Variants in PLAC1 observed in about 807,000 individuals in gnomAD.
PLAC1 encodes the protein placenta-specific protein 1.
For synonymous variants in PLAC1, 68 were observed against 62.1 expected (o/e 1.09, Z -0.44); for missense variants, 136 against 163.2 (o/e 0.83, Z 0.91).
chrX:134,730,734 C>A (rs948867566), intron 2 of PLAC1, among the ~76,000 whole-genome samples: 1 of 111,715 alleles, frequency 9.0e-6, no homozygotes. Flanking sequence ...TAAGCATAAG[C>A]CACGGTGCCT....
At chrX:134,647,555 A>G (rs1422959688) in intron 1 of PLAC1, among the ~76,000 whole-genome samples, 1 of 108,508 alleles carries the variant, frequency 9.2e-6, no homozygotes, top group Admixed American at 1.0e-4. Context: ...GGATGGAGAG[A>G]GATGAGAGTA....
chrX:134,626,608 C>G (rs1166337615), intron 1 of PLAC1, among the ~76,000 whole-genome samples: 1 of 111,735 alleles, frequency 8.9e-6, no homozygotes, highest in African/African-American at 3.3e-5. Context: ...GCTCATGACA[C>G]CCAGGATCTG....
intron 2 of PLAC1, among the ~76,000 whole-genome samples, chrX:134,581,484 T>TTTG (rs1482364847): frequency 1.1e-5 from 1 of 89,723 alleles, no homozygotes; most frequent in African/African-American, 4.0e-5. Context: ...CTCTTTTTTT[T>TTTG]TTTTTTTTTT....
intron 2 of PLAC1, among the ~76,000 whole-genome samples, chrX:134,577,117 T>C (rs1018411060): frequency 1.4e-4 from 16 of 112,039 alleles, no homozygotes; most frequent in Non-Finnish European, 2.4e-4. Context: ...AGAAATATGA[T>C]GAAGCAACAA....
At chrX:134,686,592 G>A (rs1392061055) in intron 2 of PLAC1, among the ~76,000 whole-genome samples, 1 of 111,577 alleles carries the variant, frequency 9.0e-6, no homozygotes, top group African/African-American at 3.3e-5. Flanking sequence ...GCAGTGATTA[G>A]CTTTGTTAAG....
chrX:134,616,874 C>A lies in PLAC1; in HGVS notation c.-130-14752G>T, dbSNP rs766435774. Reference sequence around the variant, plus strand: ...CACTGCAGCCTTCGCCTCCTTAGTTCAAGCTATTCTCCTGCCTCAGCCTCC... The same window carrying A: ...CACTGCAGCCTTCGCCTCCTTAGTTAAAGCTATTCTCCTGCCTCAGCCTCC... On this transcript the variant is annotated intron_variant, in intron 1 of 2. Transcript: ENST00000359237. 2.5e-4 allele frequency among the ~76,000 whole-genome samples: 27 copies of A among 108,769 alleles called. No individual in the cohort carries two copies. The Admixed American group carries it at 2.6e-3, about 11-fold the overall frequency. 94.5% of individuals were successfully genotyped at this position (108,769 alleles called of 115,157 possible). A position where few individuals can be genotyped will look rare whatever the true frequency, so the allele number is the denominator to read the frequency against.
chrX:134,722,161 C>T (rs1194807829), intron 2 of PLAC1, among the ~76,000 whole-genome samples: 1 of 111,270 alleles, frequency 9.0e-6, no homozygotes, highest in Non-Finnish European at 1.9e-5. Context: ...GCTCAAGTGA[C>T]CCTCCTGCCT....
chrX:134,662,973 T>C, upstream of PLAC1, among the ~76,000 whole-genome samples: 1 of 112,105 alleles, frequency 8.9e-6, no homozygotes, highest in East Asian at 2.8e-4. Context: ...TCTGGCTCTT[T>C]AACAAAATAT....
intron 1 of PLAC1, among the ~76,000 whole-genome samples, chrX:134,737,047 T>C (rs2078704876): frequency 8.9e-6 from 1 of 112,390 alleles, no homozygotes; most frequent in Non-Finnish European, 1.9e-5. Context: ...TAGCAGTGTA[T>C]CTAGCAGCCC....
intron 2 of PLAC1, among the ~76,000 whole-genome samples, chrX:134,722,927 T>A (rs1413123355): frequency 8.2e-5 from 9 of 109,638 alleles, no homozygotes. Context: ...AGGAGGACTG[T>A]TTGAGTCCAG....
chrX:134,713,067 G>T (rs1452491336), intron 2 of PLAC1, among the ~76,000 whole-genome samples: 1 of 111,887 alleles, frequency 8.9e-6, no homozygotes, highest in Non-Finnish European at 1.9e-5. Context: ...CATCAACTGT[G>T]GTTGACAATG....
At chrX:134,753,596 C>T (rs1040583276) in intron 1 of PLAC1, among the ~76,000 whole-genome samples, 1 of 109,773 alleles carries the variant, frequency 9.1e-6, no homozygotes, top group African/African-American at 3.3e-5. Flanking sequence ...CAATCAGGGG[C>T]GGGAACGAGA....
chrX:134,669,809 A>G (rs2078449365), intron 2 of PLAC1, among the ~76,000 whole-genome samples: 2 of 111,840 alleles, frequency 1.8e-5, no homozygotes, highest in Admixed American at 1.9e-4. Flanking sequence ...TTGGCGGTGG[A>G]GGGGCCGTAC....
chrX:134,702,366 C>T (rs1482484017), intron 2 of PLAC1, among the ~76,000 whole-genome samples: 4 of 112,112 alleles, frequency 3.6e-5, no homozygotes, highest in African/African-American at 1.3e-4. Flanking sequence ...CAGTGGTGGA[C>T]TGGATAAAGA....
In PLAC1 at chrX:134,566,743, AG is replaced by A. The variant is rs2077878759; in HGVS notation, c.-58-4del. ...AGGAAGCCGTCCAGTGAGGATTTCT[AG>A]AGCACAAAAAAACACAAGAGGCAAG... is the stretch of plus-strand genomic sequence containing the variant. On this transcript the variant is annotated splice_region_variant and splice_polypyrimidine_tract_variant and intron_variant, in intron 2 of 2. Transcript: ENST00000359237. The A allele has an allele frequency of 1.1e-6, 1 of 940,328 alleles. No individual in the cohort carries two copies. Among genetic ancestry groups the A allele is most frequent in the African/African-American group, 1.9e-5 (1 of 51,322 alleles). The allele number at this position is 940,328 out of a possible 1,213,427, so 77.5% of individuals were successfully genotyped here.
intron 2 of PLAC1, among the ~76,000 whole-genome samples, chrX:134,715,883 G>T (rs2078642076): frequency 8.9e-6 from 1 of 112,269 alleles, no homozygotes; most frequent in African/African-American, 3.2e-5. Flanking sequence ...GTGGGAGAAG[G>T]CCCAGTGGGG....
At chrX:134,664,256 C>T (rs1305473543) in intron 2 of PLAC1, among the ~76,000 whole-genome samples, 3 of 111,912 alleles carry the variant, frequency 2.7e-5, no homozygotes, top group Non-Finnish European at 5.6e-5. Flanking sequence ...ATCAGTTCCC[C>T]GGAGATGCTA....
intron 1 of PLAC1, among the ~76,000 whole-genome samples, chrX:134,632,654 G>C (rs923256645): frequency 1.4e-4 from 16 of 111,935 alleles, no homozygotes; most frequent in Non-Finnish European, 2.6e-4. Context: ...TGCTGACCAC[G>C]TGTTAAACCC....
intron 2 of PLAC1, among the ~76,000 whole-genome samples, chrX:134,567,974 C>T (rs2077886570): frequency 9.0e-6 from 1 of 111,179 alleles, no homozygotes; most frequent in Admixed American, 9.6e-5. Context: ...ACTTCCTAGT[C>T]CTATTGCTTC....
Sources: allele counts gnomAD v4.1 joint callset (sites outside exome capture counted in the v4.1 genomes callset), GRCh38; gene constraint gnomAD v4.1.1; transcripts MANE v1.5; gene names NCBI Gene and HGNC (gene_info 2026-07-23, HGNC 2026-07-21).